CSRNP3: variants seen among roughly 807,000 people sequenced by gnomAD.
The protein encoded by CSRNP3 is cysteine/serine-rich nuclear protein 3.
A neutral mutation model predicts 48.0 loss-of-function variants in CSRNP3; 12 were observed. That is an observed-to-expected ratio of 0.25 (90% CI 0.16 to 0.41). The LOEUF is 0.41. Among genes scored for constraint, CSRNP3 ranks in the 10% least tolerant of loss-of-function variants. The pLI, the probability that CSRNP3 is intolerant of heterozygous loss-of-function variation, is 1.00. For missense variants in CSRNP3, 580 were observed against 724.4 expected (o/e 0.80, Z 2.29); for synonymous variants, 263 against 269.7 (o/e 0.98, Z 0.24).
intron 3 of CSRNP3, among the ~76,000 whole-genome samples, chr2:165,539,000 G>C (rs1684918424): frequency 6.6e-6 from 1 of 151,918 alleles, no homozygotes. Flanking sequence ...GCTACAGGAA[G>C]CATGAGTTAT....
intron 4 of CSRNP3, among the ~76,000 whole-genome samples, chr2:165,653,701 G>A (rs1042411497): frequency 8.6e-5 from 13 of 151,978 alleles, no homozygotes; most frequent in African/African-American, 3.1e-4. Context: ...GCTGGGCACA[G>A]TGGCTCACAC....
intron 2 of CSRNP3, among the ~76,000 whole-genome samples, chr2:165,512,231 T>C (rs1469476948): frequency 1.3e-5 from 2 of 152,224 alleles, no homozygotes; most frequent in Admixed American, 1.3e-4. Flanking sequence ...CAATCCCTTC[T>C]GTGGTAATCT....
intron 3 of CSRNP3, among the ~76,000 whole-genome samples, chr2:165,535,687 G>T (rs1684872249): frequency 6.6e-6 from 1 of 151,800 alleles, no homozygotes; most frequent in Non-Finnish European, 1.5e-5. Context: ...TGCTGGCCTA[G>T]AGAGGAACTT....
At chr2:165,588,565 G>A (rs971203988) in intron 3 of CSRNP3, among the ~76,000 whole-genome samples, 4 of 152,184 alleles carry the variant, frequency 2.6e-5, no homozygotes, top group Non-Finnish European at 4.4e-5. Context: ...TGATAAAATG[G>A]CTGTTTTCTA....
chr2:165,668,964 A>G (rs1000459292), intron 5 of CSRNP3, among the ~76,000 whole-genome samples: 1 of 152,210 alleles, frequency 6.6e-6, no homozygotes. Flanking sequence ...ACTTTGGCAA[A>G]TTATATTCTC....
At chr2:165,476,848 C>G (rs760844009) in intron 1 of CSRNP3, among the ~76,000 whole-genome samples, 2 of 152,122 alleles carry the variant, frequency 1.3e-5, no homozygotes, top group African/African-American at 4.8e-5. Context: ...CAGAATTTGG[C>G]GTATAGTAAG....
intron 4 of CSRNP3, among the ~76,000 whole-genome samples, chr2:165,608,515 A>T (rs1389182385): frequency 6.6e-6 from 1 of 152,228 alleles, no homozygotes; most frequent in Non-Finnish European, 1.5e-5. Flanking sequence ...TTAAAAACAG[A>T]TAGTCATCTG....
chr2:165,569,369 G>A (rs148734212), intron 3 of CSRNP3, among the ~76,000 whole-genome samples: 2,307 of 152,078 alleles, frequency 0.015, 28 homozygotes, highest in South Asian at 0.024. Flanking sequence ...TCAAGAGATC[G>A]TCCAGTTAAC....
chr2:165,646,013 G>A (rs1399486753), intron 4 of CSRNP3, among the ~76,000 whole-genome samples: 1 of 152,046 alleles, frequency 6.6e-6, no homozygotes, highest in Non-Finnish European at 1.5e-5. Context: ...CCAAAGTGCT[G>A]GGATAACAGG....
Position 165,679,174 on chromosome 2 carries a change from C to T in CSRNP3, c.1179C>T (p.Phe393=), listed in dbSNP as rs769531743. ...ACGATGATGACAAAGGAGATGGCTT[C>T]GTGGAAGGTTTGGGCACCCATGCCG... ...EDDDDDKGDG[F]VEGLGTHAEV... The change falls in exon 7 of 7, where the codon TTC becomes TTT. Residue 393 remains phenylalanine (F), a synonymous_variant. Transcript: ENST00000651982. 5 of 1,613,784 alleles carry T rather than the reference C, an allele frequency of 3.1e-6. No homozygotes were observed. Among genetic ancestry groups the T allele is most frequent in the Non-Finnish European group, 3.4e-6 (4 of 1,179,950 alleles).
chr2:165,685,726 A>C lies in CSRNP3; in HGVS notation c.*5973A>C, dbSNP rs1687620066. The C allele has an allele frequency of 6.6e-6, 1 of 152,080 alleles. No individual in the cohort carries two copies. Among genetic ancestry groups the C allele is most frequent in the Admixed American group, 6.6e-5 (1 of 15,234 alleles). The allele number at this position is 152,080 out of a possible 1,614,324, so 9.4% of individuals were successfully genotyped here. On this transcript the variant is annotated 3_prime_UTR_variant, in exon 7 of 7. Transcript: ENST00000651982. ...TTTGCATTGGCTTATAATTCAAGAA[A>C]TGTCAACTTCACTGTGTCACTTTAT...
At chr2:165,491,967 A>AAAAG (rs1684217696) in intron 1 of CSRNP3, among the ~76,000 whole-genome samples, 1 of 150,902 alleles carries the variant, frequency 6.6e-6, no homozygotes, top group Non-Finnish European at 1.5e-5. Flanking sequence ...AAAAAAAAAA[A>AAAAG]CAAAGCTAGA....
chr2:165,526,094 T>C (rs1480988072), intron 3 of CSRNP3, among the ~76,000 whole-genome samples: 1 of 152,236 alleles, frequency 6.6e-6, no homozygotes, highest in Non-Finnish European at 1.5e-5. Context: ...GACTGACGTA[T>C]GTATTTATAC....
chr2:165,511,912 A>G (rs537235665), intron 2 of CSRNP3, among the ~76,000 whole-genome samples: 1 of 152,132 alleles, frequency 6.6e-6, no homozygotes, highest in Non-Finnish European at 1.5e-5. Context: ...AACTGAATTT[A>G]ATCAGGTGGG....
Position 165,518,718 on chromosome 2 carries a change from GA to G in CSRNP3, c.-24+765del, listed in dbSNP as rs552805781. Among the ~76,000 whole-genome samples the G allele has an allele frequency of 8.4e-3, 1,270 of 151,626 alleles. 14 individuals carry two copies. Among genetic ancestry groups the G allele is most frequent in the African/African-American group, 0.028 (1,169 of 41,406 alleles). On this transcript the variant is annotated intron_variant, in intron 3 of 6. Transcript: ENST00000651982. ...ATATCAACTATTCATAATTTTAAAT[GA>G]AAAAAAATGTGATCTTTCATTTTGA...
At position 165,688,709 on chromosome 2, in the gene CSRNP3, G is replaced by A. The variant is rs1017306276; in HGVS notation, c.*8956G>A. ...ACTTGGGTGTTATCCTTCAGTCTGT[G>A]TTGAACCATTCAGATATTGGGAATG... is the stretch of plus-strand genomic sequence containing the variant. On this transcript the variant is annotated 3_prime_UTR_variant, in exon 7 of 7. Transcript: ENST00000651982. 1.3e-5 allele frequency: 2 copies of A among 151,826 alleles called. No homozygotes were observed. The highest frequency in any genetic ancestry group is 1.3e-4 in the Admixed American group (2 of 15,202). 9.4% of individuals were successfully genotyped at this position (151,826 alleles called of 1,614,324 possible). A position where few individuals can be genotyped will look rare whatever the true frequency, so the allele number is the denominator to read the frequency against.
chr2:165,519,054 G>A (rs72877717), intron 3 of CSRNP3, among the ~76,000 whole-genome samples: 26,880 of 152,002 alleles, frequency 0.18, 2,568 homozygotes, highest in Non-Finnish European at 0.2. Flanking sequence ...TATAGCTTCT[G>A]TTAGCCTAGA....
rs1687575358 is a variant in CSRNP3 at position 165,683,203 on chromosome 2, G to T, written c.*3450G>T. The stretch of plus-strand genomic sequence containing the variant: ...TTCATTTGTCTCATGTCTTTTGGTT[G>T]ATTGAATAATATAGTTACTTTTTGA... On this transcript the variant is annotated 3_prime_UTR_variant, in exon 7 of 7. Transcript: ENST00000651982. 1 of 152,022 alleles carries T rather than the reference G, an allele frequency of 6.6e-6. No individual in the cohort carries two copies. The highest frequency in any genetic ancestry group is 1.5e-5 in the Non-Finnish European group (1 of 67,978). 9.4% of individuals were successfully genotyped at this position (152,022 alleles called of 1,614,324 possible).
intron 3 of CSRNP3, among the ~76,000 whole-genome samples, chr2:165,579,355 C>T (rs757315131): frequency 5.3e-5 from 8 of 152,158 alleles, no homozygotes; most frequent in African/African-American, 1.2e-4. Flanking sequence ...ACTAGAAGTA[C>T]GGTCTCCACA....
Sources: allele counts gnomAD v4.1 joint callset (sites outside exome capture counted in the v4.1 genomes callset), GRCh38; gene constraint gnomAD v4.1.1; transcripts MANE v1.5; gene names NCBI Gene and HGNC (gene_info 2026-07-23, HGNC 2026-07-21).